OSBPL10: variants seen among roughly 807,000 people sequenced by gnomAD.
The protein encoded by OSBPL10 is oxysterol binding protein like 10.
Under a neutral mutation model 81.7 loss-of-function variants are expected in OSBPL10, and 49 were observed. The ratio of observed to expected loss-of-function variants is 0.60; its 90% confidence interval spans 0.48 to 0.76. The LOEUF (loss-of-function observed/expected upper bound fraction) is 0.76. Among genes scored for constraint, OSBPL10 ranks in the 30% least tolerant of loss-of-function variants. OSBPL10 has a pLI of 0.00. For missense variants in OSBPL10, 923 were observed against 987.8 expected, an observed-to-expected ratio of 0.93 and a Z score of 0.88; for synonymous variants, 419 against 383.6, an observed-to-expected ratio of 1.09 and a Z score of -1.08.
intron 4 of OSBPL10, among the ~76,000 whole-genome samples, chr3:31,759,485 T>C (rs1479979252): frequency 2.6e-5 from 4 of 152,084 alleles, no homozygotes; most frequent in African/African-American, 9.7e-5. Context: ...GAAAAAGAAA[T>C]CAAATAGAAA....
chr3:32,048,207 A>G (rs2125429882), intron 1 of OSBPL10, among the ~76,000 whole-genome samples: 1 of 151,524 alleles, frequency 6.6e-6, no homozygotes, highest in South Asian at 2.1e-4. Context: ...CCTTCCCAAC[A>G]CTGATATCTC....
At chr3:31,993,452 C>T (rs1004965369) in intron 2 of OSBPL10, among the ~76,000 whole-genome samples, 15 of 152,102 alleles carry the variant, frequency 9.9e-5, no homozygotes, top group African/African-American at 3.4e-4. Context: ...AGGTGATCCA[C>T]CCGCCTCGGC....
chr3:31,762,629 C>CTTTTTTTTTTTTTTTTTTT (rs1491572896), intron 4 of OSBPL10, among the ~76,000 whole-genome samples: 3 of 17,232 alleles, frequency 1.7e-4, no homozygotes, highest in Admixed American at 7.8e-4. Context: ...CCATGCCCAG[C>CTTTTTTTTTTTTTTTTTTT]ATTTTTTTTT....
At chr3:31,764,128 TA>T (rs1553622946) in intron 4 of OSBPL10, among the ~76,000 whole-genome samples, 1 of 152,264 alleles carries the variant, frequency 6.6e-6, no homozygotes, top group Non-Finnish European at 1.5e-5. Context: ...CACCTGCATT[TA>T]GAACTGCTTT....
chr3:31,887,984 A>G (rs887217167), intron 1 of OSBPL10, among the ~76,000 whole-genome samples: 5 of 152,204 alleles, frequency 3.3e-5, no homozygotes, highest in Non-Finnish European at 7.3e-5. Flanking sequence ...CTAAATTGTC[A>G]GAGGGTCCTC....
chr3:31,769,660 C>T (rs1415584502), intron 4 of OSBPL10, among the ~76,000 whole-genome samples: 2 of 150,862 alleles, frequency 1.3e-5, no homozygotes, highest in African/African-American at 4.9e-5. Flanking sequence ...GCTGTGCAGA[C>T]TACAGGATTT....
At chr3:31,827,649 AT>A (rs1340470595) in intron 4 of OSBPL10, among the ~76,000 whole-genome samples, 29 of 147,548 alleles carry the variant, frequency 2.0e-4, no homozygotes, top group Non-Finnish European at 3.4e-4. Context: ...AAAAAAAAAA[AT>A]TTTTTTTAGA....
chr3:31,707,656 T>C (rs1696116131), intron 6 of OSBPL10, among the ~76,000 whole-genome samples: 1 of 152,062 alleles, frequency 6.6e-6, no homozygotes, highest in African/African-American at 2.4e-5. Flanking sequence ...AGGCAGTAGG[T>C]GAGAAGACCC....
chr3:32,045,669 T>C (rs749892162), intron 2 of OSBPL10, among the ~76,000 whole-genome samples: 6 of 152,188 alleles, frequency 3.9e-5, no homozygotes, highest in Non-Finnish European at 8.8e-5. Flanking sequence ...TTCCCACATC[T>C]GCCTAGAAGT....
At chr3:31,997,351 G>T (rs919917629) in intron 2 of OSBPL10, among the ~76,000 whole-genome samples, 2 of 150,938 alleles carry the variant, frequency 1.3e-5, no homozygotes, top group Admixed American at 6.6e-5. Flanking sequence ...TGCAACCTCC[G>T]CCTCCTGGGT....
chr3:31,938,172 C>T (rs946052058), intron 1 of OSBPL10, among the ~76,000 whole-genome samples: 1 of 152,136 alleles, frequency 6.6e-6, no homozygotes, highest in Non-Finnish European at 1.5e-5. Context: ...TCTGATGCTC[C>T]AATTTGCTAG....
chr3:31,947,327 T>C (rs1697730725), intron 1 of OSBPL10, among the ~76,000 whole-genome samples: 1 of 152,006 alleles, frequency 6.6e-6, no homozygotes, highest in Non-Finnish European at 1.5e-5. Context: ...ACACAGCACA[T>C]CACCAAAGCT....
At chr3:32,008,957 A>G (rs1203839721) in intron 2 of OSBPL10, among the ~76,000 whole-genome samples, 1 of 152,234 alleles carries the variant, frequency 6.6e-6, no homozygotes, top group African/African-American at 2.4e-5. Flanking sequence ...AATGTGTCTG[A>G]ATAGACACAG....
At chr3:31,783,467 T>C (rs930989254) in intron 4 of OSBPL10, among the ~76,000 whole-genome samples, 2 of 151,678 alleles carry the variant, frequency 1.3e-5, no homozygotes, top group African/African-American at 4.8e-5. Context: ...AACTTTTCCA[T>C]GCAACCCAAC....
chr3:31,864,268 AC>A (rs1179619640), intron 3 of OSBPL10, among the ~76,000 whole-genome samples: 6 of 151,970 alleles, frequency 3.9e-5, no homozygotes, highest in African/African-American at 1.5e-4. Flanking sequence ...ATGGAGTCTC[AC>A]TCTGTTGCCC....
At chr3:32,021,972 C>G (rs1471035211) in intron 2 of OSBPL10, among the ~76,000 whole-genome samples, 2 of 86,884 alleles carry the variant, frequency 2.3e-5, no homozygotes, top group African/African-American at 8.1e-5. Flanking sequence ...AGGAGATAAT[C>G]TGTCTCGAAA....
intron 3 of OSBPL10, among the ~76,000 whole-genome samples, chr3:31,831,507 C>T (rs1167313165): frequency 2.2e-4 from 33 of 151,882 alleles, no homozygotes; most frequent in Admixed American, 2.1e-3. Context: ...CAAAATACCC[C>T]ACTACGACCA....
chr3:31,802,570 A>G (rs987410225), intron 4 of OSBPL10, among the ~76,000 whole-genome samples: 13 of 150,070 alleles, frequency 8.7e-5, no homozygotes, highest in East Asian at 5.9e-4. Flanking sequence ...AAAAAAAAAA[A>G]AGAGAATTCT....
intron 10 of OSBPL10, 80 bp from the exon 11 acceptor site, chr3:31,664,312 G>C: frequency 1.3e-6 from 2 of 1,482,976 alleles, no homozygotes; most frequent in East Asian, 2.3e-5. Context: ...GGAGCAGCCA[G>C]AGCAGCGAGG....
Sources: allele counts gnomAD v4.1 joint callset (sites outside exome capture counted in the v4.1 genomes callset), GRCh38; gene constraint gnomAD v4.1.1; transcripts MANE v1.5; gene names NCBI Gene and HGNC (gene_info 2026-07-23, HGNC 2026-07-21).